PRPF3: variants seen among roughly 807,000 people sequenced by gnomAD.
The protein encoded by PRPF3 is pre-mRNA processing factor 3.
Under a neutral mutation model 89.2 loss-of-function variants are expected in PRPF3, and 3 were observed. That is an observed-to-expected ratio of 0.03 (90% CI 0.02 to 0.09). The LOEUF (loss-of-function observed/expected upper bound fraction) is 0.09. Among genes scored for constraint, PRPF3 ranks in the 10% least tolerant of loss-of-function variants. The probability of loss-of-function intolerance (pLI) is 1.00; values close to 1 mark genes in which losing one functional copy is unlikely to be tolerated. For missense variants in PRPF3, 463 were observed against 828.8 expected, an observed-to-expected ratio of 0.56 and a Z score of 5.42; for synonymous variants, 270 against 289.1, an observed-to-expected ratio of 0.93 and a Z score of 0.67.
chr1:150,329,037 C>CTTTTTTTTTTTTTTTTTTTTTTTTTTTT, intron 4 of PRPF3, among the ~76,000 whole-genome samples: 1 of 140,482 alleles, frequency 7.1e-6, no homozygotes, highest in Non-Finnish European at 1.5e-5. Context: ...TTGGGGTAAA[C>CTTTTTTTTTTTTTTTTTTTTTTTTTTTT]TTTTTTTTTT....
intron 1 of PRPF3, among the ~76,000 whole-genome samples, chr1:150,323,524 A>G (rs1572179903): frequency 6.6e-6 from 1 of 151,402 alleles, no homozygotes; most frequent in Non-Finnish European, 1.5e-5. Context: ...AGTCCCAGCT[A>G]CTTGGGAGGC....
Position 150,335,121 on chromosome 1 carries a change from G to A in PRPF3, c.915G>A (p.Met305Ile), listed in dbSNP as rs1262930221. The A allele has an allele frequency of 1.2e-6, 2 of 1,613,890 alleles. No individual in the cohort carries two copies. Among genetic ancestry groups the A allele is most frequent in the Non-Finnish European group, 1.7e-6 (2 of 1,180,002 alleles). Residue 305 changes from methionine to isoleucine, a missense_variant, in exon 7 of 16, where the codon ATG (methionine) becomes ATA (isoleucine). By Grantham distance (10) the Met-to-Ile change is conservative. Transcript: ENST00000324862. ...TAAAGGAAAAGCCATCAGAAGACAT[G>A]GAATCCAATACCTTTTTTGACCCCC... ...QQLKEKPSED[M>I]ESNTFFDPRV...
intron 1 of PRPF3, among the ~76,000 whole-genome samples, chr1:150,321,972 C>T (rs1463336507): frequency 1.3e-5 from 2 of 152,106 alleles, no homozygotes; most frequent in Non-Finnish European, 2.9e-5. Flanking sequence ...TTGGATTCTG[C>T]TGCCTGCTCA....
chr1:150,348,469 T>TTTTTTTTTTTTTTTC (rs1553873619), intron 14 of PRPF3, among the ~76,000 whole-genome samples: 1 of 113,996 alleles, frequency 8.8e-6, no homozygotes, highest in Admixed American at 9.3e-5. Flanking sequence ...CATTTTTTTT[T>TTTTTTTTTTTTTTTC]TTTTTTTTTT....
chr1:150,321,958 G>A (rs587625186), intron 1 of PRPF3, among the ~76,000 whole-genome samples: 1 of 152,138 alleles, frequency 6.6e-6, no homozygotes, highest in African/African-American at 2.4e-5. Context: ...TCTGAAGACT[G>A]GATTTGGATT....
At chr1:150,340,632 GT>G (rs1657592978) in intron 9 of PRPF3, among the ~76,000 whole-genome samples, 155 bp downstream of exon 9, 1 of 152,054 alleles carries the variant, frequency 6.6e-6, no homozygotes, top group South Asian at 2.1e-4. Context: ...CCTGACAATA[GT>G]TTGTTGTTTG....
At chr1:150,348,705 C>T (rs1572284361) in intron 14 of PRPF3, 2 of 187,582 alleles carry the variant, frequency 1.1e-5, no homozygotes, top group African/African-American at 2.4e-5. Flanking sequence ...TCAGGTGATC[C>T]ACTCACCTCA....
intron 8 of PRPF3, among the ~76,000 whole-genome samples, 163 bp downstream of exon 8, chr1:150,338,489 G>A (rs1303647725): frequency 5.3e-5 from 8 of 150,358 alleles, no homozygotes; most frequent in African/African-American, 2.0e-4. Flanking sequence ...CTGTACACAA[G>A]GTCCTGTTAT....
At chr1:150,329,498 G>T (rs782118807) in intron 4 of PRPF3, among the ~76,000 whole-genome samples, 1 of 152,088 alleles carries the variant, frequency 6.6e-6, no homozygotes, top group Non-Finnish European at 1.5e-5. Context: ...AAAATTAAAT[G>T]AAATGATCAG....
At chr1:150,332,913 G>T (rs1656574398) in intron 5 of PRPF3, 66 bp from the exon 6 acceptor site, 2 of 1,516,800 alleles carry the variant, frequency 1.3e-6, no homozygotes, top group South Asian at 1.1e-5. Flanking sequence ...GTGTATATCT[G>T]TGTGTATGTA....
chr1:150,341,400 A>ATTTTTTTTTTTTTTTTTTTTTTT (rs1169772517), intron 9 of PRPF3, among the ~76,000 whole-genome samples: 4 of 101,908 alleles, frequency 3.9e-5, no homozygotes, highest in African/African-American at 1.1e-4. Flanking sequence ...AGTTGCTTCT[A>ATTTTTTTTTTTTTTTTTTTTTTT]TTTTTTTTTT....
chr1:150,345,051 A>G (rs1268364711), intron 12 of PRPF3, among the ~76,000 whole-genome samples: 2 of 151,544 alleles, frequency 1.3e-5, no homozygotes, highest in Non-Finnish European at 1.5e-5. Context: ...CTTTGTGTTG[A>G]TTTAATGTTT....
intron 6 of PRPF3, among the ~76,000 whole-genome samples, chr1:150,333,575 A>C (rs1656653026): frequency 6.6e-6 from 1 of 152,146 alleles, no homozygotes; most frequent in Non-Finnish European, 1.5e-5. Context: ...AACAACAAAC[A>C]AAATATTACT....
intron 4 of PRPF3, chr1:150,330,496 C>G (rs1484436523): frequency 6.6e-6 from 1 of 152,026 alleles, no homozygotes; most frequent in African/African-American, 2.4e-5. Context: ...GCTGGGACTA[C>G]AGGTATGTAC....
At chr1:150,330,874 G>A (rs1656288658) in intron 4 of PRPF3, among the ~76,000 whole-genome samples, 1 of 149,066 alleles carries the variant, frequency 6.7e-6, no homozygotes, top group Middle Eastern at 3.5e-3. Flanking sequence ...GCGCCACCAC[G>A]CCTAGCTAAT....
At chr1:150,335,428 G>A (rs1032602358) in intron 7 of PRPF3, among the ~76,000 whole-genome samples, 187 bp downstream of exon 7, 1 of 152,092 alleles carries the variant, frequency 6.6e-6, no homozygotes, top group Non-Finnish European at 1.5e-5. Context: ...GGATGGTTTC[G>A]TGATGGTTCA....
intron 9 of PRPF3, among the ~76,000 whole-genome samples, chr1:150,341,647 C>G (rs1657736308): frequency 6.6e-6 from 1 of 151,532 alleles, no homozygotes; most frequent in African/African-American, 2.4e-5. Flanking sequence ...CTCAGGTGAT[C>G]TGCCAGCCTT....
At chr1:150,338,640 A>G (rs998353316) in intron 8 of PRPF3, among the ~76,000 whole-genome samples, 1 of 151,900 alleles carries the variant, frequency 6.6e-6, no homozygotes. Context: ...TCAGCCCCTC[A>G]AGTAGCTGGG....
intron 6 of PRPF3, 31 bp from the exon 7 acceptor site, chr1:150,334,904 A>G (rs587666528): frequency 1.2e-6 from 2 of 1,613,122 alleles, no homozygotes; most frequent in East Asian, 2.2e-5. Context: ...TGTTCCATAC[A>G]GGATTTATTT....
Sources: allele counts gnomAD v4.1 joint callset (sites outside exome capture counted in the v4.1 genomes callset), GRCh38; gene constraint gnomAD v4.1.1; transcripts MANE v1.5; gene names NCBI Gene and HGNC (gene_info 2026-07-23, HGNC 2026-07-21).